Variants in CEP83 observed in about 807,000 individuals in gnomAD.
CEP83 encodes the protein centrosomal protein 83, also known as centrosomal protein of 83 kDa.
A neutral mutation model predicts 101.9 loss-of-function variants in CEP83; 70 were observed. The observed-to-expected ratio is 0.69, with a 90% confidence interval of 0.57 to 0.84. The LOEUF is 0.84. CEP83 is among the 40% of genes least tolerant of loss of function. The pLI is 0.00. For synonymous variants in CEP83, 264 were observed against 267.9 expected, an observed-to-expected ratio of 0.99 and a Z score of 0.14; for missense variants, 715 against 787.2, an observed-to-expected ratio of 0.91 and a Z score of 1.10.
chr12:94,393,200 G>A (rs1282833682), intron 6 of CEP83, among the ~76,000 whole-genome samples: 7 of 152,184 alleles, frequency 4.6e-5, no homozygotes, highest in Admixed American at 2.0e-4. Context: ...CAATATCCCT[G>A]ATGAACATTG....
chr12:94,380,760 T>G (rs2061805255), intron 6 of CEP83, among the ~76,000 whole-genome samples: 1 of 152,272 alleles, frequency 6.6e-6, no homozygotes, highest in South Asian at 2.1e-4. Flanking sequence ...ACATGTAAAA[T>G]CAACATTAAC....
intron 14 of CEP83, among the ~76,000 whole-genome samples, chr12:94,321,230 T>C (rs574087368): frequency 2.6e-5 from 4 of 152,366 alleles, no homozygotes; most frequent in African/African-American, 9.6e-5. Context: ...TCAGTTAGGT[T>C]CTTTTTTATA....
intron 1 of CEP83, among the ~76,000 whole-genome samples, chr12:94,452,555 C>A (rs2067336775): frequency 1.3e-5 from 2 of 152,026 alleles, no homozygotes; most frequent in Admixed American, 1.3e-4. Flanking sequence ...TGAGATAATA[C>A]AATTTCCTTC....
intron 16 of CEP83, 128 bp downstream of exon 16, chr12:94,309,790 T>A: frequency 1.9e-6 from 1 of 520,476 alleles, no homozygotes; most frequent in Non-Finnish European, 3.3e-6. Flanking sequence ...TTTAAATGTT[T>A]ATGCCATTTT....
At chr12:94,414,378 C>T (rs1380012054) in intron 2 of CEP83, among the ~76,000 whole-genome samples, 2 of 152,182 alleles carry the variant, frequency 1.3e-5, no homozygotes, top group Non-Finnish European at 2.9e-5. Flanking sequence ...TCACTGTTGT[C>T]TCATTTTAAG....
At chr12:94,275,820 A>T in the CEP83 span, among the ~76,000 whole-genome samples, 2 of 131,494 alleles carry the variant, frequency 1.5e-5, no homozygotes, top group Non-Finnish European at 3.1e-5. Context: ...CCGCCACTGC[A>T]CTCCAGCCTG....
intron 11 of CEP83, among the ~76,000 whole-genome samples, chr12:94,365,933 TAAGA>T (rs1404490463): frequency 6.6e-6 from 1 of 151,898 alleles, no homozygotes; most frequent in Admixed American, 6.6e-5. Flanking sequence ...GGTGCACTGA[TAAGA>T]AAGAAGGAAA....
intron 15 of CEP83, among the ~76,000 whole-genome samples, chr12:94,312,029 C>G (rs1298453070): frequency 2.0e-5 from 3 of 151,742 alleles, no homozygotes; most frequent in African/African-American, 7.3e-5. Context: ...TAGCTATGAT[C>G]GTGCCACTGC....
chr12:94,365,140 T>A (rs1216427733), intron 11 of CEP83, among the ~76,000 whole-genome samples: 2 of 151,804 alleles, frequency 1.3e-5, no homozygotes, highest in African/African-American at 4.8e-5. Flanking sequence ...GTAAGGTAAT[T>A]TAAAAAAAAT....
intron 2 of CEP83, chr12:94,424,453 C>T: frequency 6.2e-7 from 1 of 1,614,026 alleles, no homozygotes; most frequent in Non-Finnish European, 8.5e-7. Context: ...CTCTGCTGGT[C>T]CCACTGGTAT....
In CEP83 at chr12:94,449,779, T is replaced by TAAA. The variant is rs71071787; in HGVS notation, c.-155+9775_-155+9777dup. On this transcript the variant is annotated intron_variant, in intron 1 of 16. Transcript: ENST00000397809. Reference sequence around the variant, plus strand: ...CAGAGCAAGAGTCTGTCTCAAACAATAAAAAAAAAAAAAAAAAAAAAAAAA... The same window carrying TAAA: ...CAGAGCAAGAGTCTGTCTCAAACAATAAAAAAAAAAAAAAAAAAAAAAAAAAAA... 2.8e-3 allele frequency among the ~76,000 whole-genome samples: 135 copies of TAAA among 48,562 alleles called. 19 individuals carry two copies. The highest frequency in any genetic ancestry group is 9.7e-3 in the African/African-American group (89 of 9,172). The allele number at this position is 48,562 out of a possible 152,430, so 31.9% of individuals were successfully genotyped here.
At chr12:94,269,892 C>T in the CEP83 span, among the ~76,000 whole-genome samples, 7 of 152,186 alleles carry the variant, frequency 4.6e-5, no homozygotes, top group Non-Finnish European at 1.0e-4. Flanking sequence ...GTCATTCCCT[C>T]GTTGATGGCA....
chr12:94,424,878 T>C, intron 2 of CEP83: 1 of 1,600,704 alleles, frequency 6.2e-7, no homozygotes, highest in South Asian at 1.1e-5. Flanking sequence ...GGTGGTGCCA[T>C]CTGCTGAGCC....
intron 14 of CEP83, among the ~76,000 whole-genome samples, chr12:94,320,777 G>A (rs2058713369): frequency 6.6e-6 from 1 of 152,106 alleles, no homozygotes; most frequent in Non-Finnish European, 1.5e-5. Context: ...TCCTGAGGGG[G>A]TTTCCTTTGT....
chr12:94,426,874 A>G lies in CEP83; in HGVS notation c.-102+8401T>C, dbSNP rs1274138453. Among the ~76,000 whole-genome samples, 4 of 152,206 alleles carry G rather than the reference A, an allele frequency of 2.6e-5. No individual in the cohort carries two copies. The East Asian group carries it at 7.7e-4, about 29-fold the overall frequency. ...CCAAGGAAAACCTACAGCCACAAAA[A>G]GCTGGAAAAGGCAAGGAAAAGATTC... On this transcript the variant is annotated intron_variant, in intron 2 of 16. Transcript: ENST00000397809.
At chr12:94,331,001 GT>G (rs1176582271) in intron 14 of CEP83, among the ~76,000 whole-genome samples, 1 of 152,064 alleles carries the variant, frequency 6.6e-6, no homozygotes, top group Non-Finnish European at 1.5e-5. Flanking sequence ...TCCTATAAGA[GT>G]TTATTAGGAT....
chr12:94,335,267 G>A (rs1234340729), intron 12 of CEP83, among the ~76,000 whole-genome samples: 4 of 151,948 alleles, frequency 2.6e-5, no homozygotes, highest in African/African-American at 9.7e-5. Context: ...AAACCTGGAT[G>A]ATATTTCTAT....
downstream of CEP83, among the ~76,000 whole-genome samples, chr12:94,302,501 TA>T (rs1194618698): frequency 6.6e-6 from 1 of 152,232 alleles, no homozygotes; most frequent in Non-Finnish European, 1.5e-5. Flanking sequence ...TTCATTTGAC[TA>T]ATAAAGTTCA....
intron 11 of CEP83, among the ~76,000 whole-genome samples, chr12:94,338,296 A>G (rs185934645): frequency 2.0e-5 from 3 of 152,340 alleles, no homozygotes; most frequent in Admixed American, 2.0e-4. Flanking sequence ...TGAGCCAGAT[A>G]TCAAAGTCCT....
Sources: gnomAD v4.1 joint callset for allele counts (sites outside exome capture counted in the v4.1 genomes callset) on GRCh38, gnomAD v4.1.1 for gene constraint, MANE v1.5 for transcripts, NCBI Gene and HGNC (gene_info 2026-07-23, HGNC 2026-07-21) for gene names.